ZNF292: variants seen among roughly 807,000 people sequenced by gnomAD.
ZNF292 encodes the protein 16 zinc-finger domain protein.
A neutral mutation model predicts 217.9 loss-of-function variants in ZNF292; 26 were observed. That is an observed-to-expected ratio of 0.12 (90% CI 0.09 to 0.17). The LOEUF (loss-of-function observed/expected upper bound fraction) is 0.17. ZNF292 is among the 10% of genes least tolerant of loss of function. ZNF292 has a pLI of 1.00. For synonymous variants in ZNF292, 1,257 were observed against 1,124.1 expected, an observed-to-expected ratio of 1.12 and a Z score of -2.37; for missense variants, 2,904 against 3,175.2, an observed-to-expected ratio of 0.91 and a Z score of 2.05.
chr6:87,180,270 TTTC>T (rs1300766239), intron 1 of ZNF292, among the ~76,000 whole-genome samples: 2 of 152,268 alleles, frequency 1.3e-5, no homozygotes, highest in African/African-American at 4.8e-5. Context: ...GCCTTCGGCA[TTTC>T]TTCTTTATGT....
intron 1 of ZNF292, among the ~76,000 whole-genome samples, chr6:87,162,437 C>T (rs528515649): frequency 5.3e-5 from 8 of 152,126 alleles, no homozygotes; most frequent in Non-Finnish European, 1.0e-4. Context: ...TAGAGGCTAT[C>T]TTAATTTGTA....
rs781723343 is a variant in ZNF292 at position 87,258,855 on chromosome 6, T to G, written c.5226T>G (p.Ser1742=). The stretch of plus-strand genomic sequence containing the variant: ...ATTCATGCACAACTTCAATAAATTC[T>G]GATTTGCAGATTTCTGAAGACAATG... ...ALNSCTTSIN[S]DLQISEDNVI... Residue 1742 remains serine (S), a synonymous_variant, in exon 8 of 8, where the codon TCT becomes TCG. Transcript: ENST00000369577. 1 of 1,610,276 alleles carries G rather than the reference T, an allele frequency of 6.2e-7. No homozygotes were observed. The highest frequency in any genetic ancestry group is 8.5e-7 in the Non-Finnish European group (1 of 1,177,928).
chr6:87,207,841 A>T (rs1037082910), intron 1 of ZNF292, among the ~76,000 whole-genome samples: 1 of 152,102 alleles, frequency 6.6e-6, no homozygotes, highest in African/African-American at 2.4e-5. Context: ...ATATGCTATA[A>T]TTATTTTCCA....
rs1353474646 is a variant in ZNF292 at position 87,260,772 on chromosome 6, A to G, written c.7143A>G (p.Arg2381=). ...ATGCCCTGTCTGAGTGTACAAGCAG[A>G]TTTGTAACCCAGTATCCATGTATGA... The part of the protein sequence containing the change: ...RNDALSECTS[R]FVTQYPCMIK... Residue 2381 remains arginine (R), a synonymous_variant, in exon 8 of 8, where the codon AGA becomes AGG. Transcript: ENST00000369577. 1 of 1,613,432 alleles carries G rather than the reference A, an allele frequency of 6.2e-7. No individual in the cohort carries two copies. Among genetic ancestry groups the G allele is most frequent in the Non-Finnish European group, 8.5e-7 (1 of 1,179,622 alleles).
intron 5 of ZNF292, among the ~76,000 whole-genome samples, chr6:87,239,317 C>A (rs1440570702): frequency 6.7e-6 from 1 of 150,028 alleles, no homozygotes; most frequent in African/African-American, 2.5e-5. Context: ...CGCCCCCCCA[C>A]CTCCTGGACG....
intron 7 of ZNF292, among the ~76,000 whole-genome samples, chr6:87,250,965 A>G (rs1460784472): frequency 6.6e-6 from 1 of 152,228 alleles, no homozygotes; most frequent in Non-Finnish European, 1.5e-5. Context: ...TGCTTAGTGC[A>G]GTGCCTGGTA....
intron 1 of ZNF292, among the ~76,000 whole-genome samples, chr6:87,180,063 C>G (rs946654308): frequency 6.6e-6 from 1 of 152,194 alleles, no homozygotes; most frequent in African/African-American, 2.4e-5. Flanking sequence ...CAGGGGTGTC[C>G]AATGTCTTGG....
rs149023147 is a variant in ZNF292 at position 87,157,200 on chromosome 6, TC to T, written c.168+1442del. On this transcript the variant is annotated intron_variant, in intron 1 of 7. Coordinates refer to ENST00000369577, the MANE Select transcript of ZNF292 (RefSeq NM_015021.3). ...AATCTTAAAAACAAAAACTGTGAGA[TC>T]AAGTGGTGACGTCTAGGAGGATGTG... is the stretch of plus-strand genomic sequence containing the variant. Among the ~76,000 whole-genome samples the T allele has an allele frequency of 5.8e-3, 886 of 152,258 alleles. 8 individuals carry two copies. The highest frequency in any genetic ancestry group is 0.02 in the African/African-American group (847 of 41,528).
At position 87,261,065 on chromosome 6, in the gene ZNF292, A is replaced by C; in HGVS notation, c.7436A>C (p.Asp2479Ala). 1 of 1,606,196 alleles carries C rather than the reference A, an allele frequency of 6.2e-7. No individual in the cohort carries two copies. Among genetic ancestry groups the C allele is most frequent in the Non-Finnish European group, 8.5e-7 (1 of 1,175,986 alleles). The change falls in exon 8 of 8, where the codon GAT becomes GCT. Residue 2479 changes from aspartate (D) to alanine (A), a missense_variant. By Grantham distance (126) the Asp-to-Ala change is moderately radical. Transcript: ENST00000369577. ...AAGGAAGTTGAAAAAAATGAAAAAG[A>C]TGAAATGGATGAACTAACAGAATTG... The part of the protein sequence containing the change: ...SQKEVEKNEK[D>A]EMDELTELFI...
At position 87,256,198 on chromosome 6, in the gene ZNF292, G is replaced by T. The variant is rs754116920; in HGVS notation, c.2569G>T (p.Val857Leu). Residue 857 changes from valine (V) to leucine (L), a missense_variant, in exon 8 of 8, where the codon GTG becomes TTG. By Grantham distance (32) the Val-to-Leu change is conservative. This residue lies in a region of ZNF292 where 687 missense variants were observed against 623.0 expected (regional missense o/e 1.10). Coordinates refer to ENST00000369577, the MANE Select transcript of ZNF292 (RefSeq NM_015021.3). Reference sequence around the variant, plus strand: ...TGGAGATTCCATTCAGCCTTCTGAAGTGAATCAGAACACAGCAGAGAATAT... The same window carrying T: ...TGGAGATTCCATTCAGCCTTCTGAATTGAATCAGAACACAGCAGAGAATAT... ...SSGDSIQPSE[V>L]NQNTAENIEK... 8 of 1,613,706 alleles carry T rather than the reference G, an allele frequency of 5.0e-6. No individual in the cohort carries two copies. The Admixed American group carries it at 1.2e-4, about 24-fold the overall frequency.
chr6:87,189,206 G>A (rs9362408), intron 1 of ZNF292, among the ~76,000 whole-genome samples: 95,792 of 151,800 alleles, frequency 0.63, 31,787 homozygotes, highest in African/African-American at 0.85. Flanking sequence ...CTCCAACTCA[G>A]AAATAAATAA....
In ZNF292 at chr6:87,258,383, G is replaced by T; in HGVS notation, c.4754G>T (p.Cys1585Phe). ...CTGAAGACTGTTGAAAATGGTTTGT[G>T]CTCTAGTTCATTTCCTAATTCTGGT... ...LLLKTVENGL[C>F]SSSFPNSGGP... The change falls in exon 8 of 8, where the codon TGC becomes TTC. Residue 1585 changes from cysteine (C) to phenylalanine (F), a missense_variant. Physicochemically the swap from Cys to Phe is radical, Grantham distance 205. Around this residue, in one of 15 missense-constraint regions of ZNF292, gnomAD observed 622 missense variants for 573.1 expected, o/e 1.09. Transcript: ENST00000369577. The T allele has an allele frequency of 6.2e-7, 1 of 1,613,612 alleles. No individual in the cohort carries two copies. The highest frequency in any genetic ancestry group is 8.5e-7 in the Non-Finnish European group (1 of 1,179,764).
rs117650944 is a variant in ZNF292 at position 87,176,691 on chromosome 6, G to A, written c.168+20932G>A. Reference sequence around the variant, plus strand: ...CAACTCATCATTATGTCTGAGGCAGGACTTTCTCCTCAGAAAGTGGTTCCT... The same window carrying A: ...CAACTCATCATTATGTCTGAGGCAGAACTTTCTCCTCAGAAAGTGGTTCCT... On this transcript the variant is annotated intron_variant, in intron 1 of 7. Coordinates refer to ENST00000369577, the MANE Select transcript of ZNF292 (RefSeq NM_015021.3). Among the ~76,000 whole-genome samples the A allele has an allele frequency of 9.3e-3, 1,414 of 152,220 alleles. 9 individuals are homozygous for A. The highest frequency in any genetic ancestry group is 0.015 in the Non-Finnish European group (1,032 of 68,020).
At position 87,220,433 on chromosome 6, in the gene ZNF292, G is replaced by T. The variant is rs143769566; in HGVS notation, c.538+1702G>T. On this transcript the variant is annotated intron_variant, in intron 4 of 7. Coordinates refer to ENST00000369577, the MANE Select transcript of ZNF292 (RefSeq NM_015021.3). The stretch of plus-strand genomic sequence containing the variant: ...TGAGAAAATAGAGGTTCAGAAAGAT[G>T]AGTATTTTTTTCATACCACATTACC... Among the ~76,000 whole-genome samples, 923 of 152,234 alleles carry T rather than the reference G, an allele frequency of 6.1e-3. 15 individuals carry two copies. Among genetic ancestry groups the T allele is most frequent in the African/African-American group, 0.021 (881 of 41,536 alleles).
chr6:87,258,665 C>T lies in ZNF292; in HGVS notation c.5036C>T (p.Pro1679Leu). The T allele has an allele frequency of 6.2e-7, 1 of 1,613,452 alleles. No homozygotes were observed. The stretch of plus-strand genomic sequence containing the variant: ...TCAAATGTAATTCCAACTTGTGAAC[C>T]TCAGAGTTTGGTGGAAAATCTAACA... Reference protein sequence around the residue: ...LHSNVIPTCEPQSLVENLTQK... With the variant: ...LHSNVIPTCELQSLVENLTQK... The change falls in exon 8 of 8, where the codon CCT becomes CTT. Residue 1679 changes from proline to leucine, a missense_variant. Physicochemically the swap from Pro to Leu is moderately conservative, Grantham distance 98. Around this residue, in one of 15 missense-constraint regions of ZNF292, gnomAD observed 622 missense variants for 573.1 expected, o/e 1.09. Transcript: ENST00000369577.
chr6:87,156,057 G>A (rs1770521474), intron 1 of ZNF292, among the ~76,000 whole-genome samples: 1 of 152,260 alleles, frequency 6.6e-6, no homozygotes, highest in African/African-American at 2.4e-5. Flanking sequence ...TGTACACGGT[G>A]CGGATTGGAG....
At position 87,241,184 on chromosome 6, in the gene ZNF292, T is replaced by C. The variant is rs534415303; in HGVS notation, c.742-2291T>C. Among the ~76,000 whole-genome samples the C allele has an allele frequency of 6.1e-3, 922 of 152,210 alleles. 4 individuals carry two copies. The highest frequency in any genetic ancestry group is 0.013 in the Admixed American group (200 of 15,288). On this transcript the variant is annotated intron_variant, in intron 5 of 7. Coordinates refer to ENST00000369577, the MANE Select transcript of ZNF292 (RefSeq NM_015021.3). The stretch of plus-strand genomic sequence containing the variant: ...CTGTAGTCTCAGCTACTCAGGAGGC[T>C]AAGGCAGGAGAGTCGCTTGAACCTG...
intron 1 of ZNF292, among the ~76,000 whole-genome samples, chr6:87,206,783 G>A (rs36102845): frequency 1.3e-3 from 204 of 152,188 alleles, no homozygotes; most frequent in Non-Finnish European, 1.6e-3. Flanking sequence ...GGGGCTTACC[G>A]AAAAAGTGTA....
chr6:87,218,848 T>G, intron 4 of ZNF292, 117 bp downstream of exon 4: 14 of 1,134,890 alleles, frequency 1.2e-5, no homozygotes, highest in Non-Finnish European at 1.6e-5. Context: ...TTTAATTAAA[T>G]ATCTTCTGAG....
Sources: allele counts gnomAD v4.1 joint callset (sites outside exome capture counted in the v4.1 genomes callset), GRCh38; gene constraint gnomAD v4.1.1; regional missense constraint gnomAD v4.1.1; transcripts MANE v1.5; gene names NCBI Gene and HGNC (gene_info 2026-07-23, HGNC 2026-07-21).